Variants in EVI5L observed in about 807,000 individuals in gnomAD.
EVI5L encodes EVI5-like protein.
In EVI5L, 30 loss-of-function variants were observed where a neutral mutation model predicts 106.1. The ratio of observed to expected loss-of-function variants is 0.28; its 90% CI spans 0.21 to 0.38. The LOEUF is 0.38. Ranked by LOEUF, EVI5L falls within the 10% of genes least tolerant of loss-of-function variation. EVI5L has a pLI of 1.00. For synonymous variants in EVI5L, 489 were observed against 483.3 expected, an observed-to-expected ratio of 1.01 and a Z score of -0.15; for missense variants, 809 against 1,098.0, an observed-to-expected ratio of 0.74 and a Z score of 3.72.
At position 7,830,221 on chromosome 19, in the gene EVI5L, A is replaced by C. The variant is rs1314008349; in HGVS notation, c.-208A>C. On this transcript the variant is annotated 5_prime_UTR_variant, in exon 1 of 20. Coordinates refer to ENST00000538904, the MANE Select transcript of EVI5L (RefSeq NM_001159944.3). ...CGGGGGCGGGGCAGCGGCTCCTGTC[A>C]GCGGGTGAAATGGCAGCGGCGGAGC... 1.3e-5 allele frequency: 2 copies of C among 151,686 alleles called. No individual in the cohort carries two copies. The highest frequency in any genetic ancestry group is 3.0e-5 in the Non-Finnish European group (2 of 67,752). The allele number at this position is 151,686 out of a possible 1,614,324, so 9.4% of individuals were successfully genotyped here. A position where few individuals can be genotyped will look rare whatever the true frequency, so the allele number is the denominator to read the frequency against.
chr19:7,831,415 G>T (rs1328671847), intron 1 of EVI5L, among the ~76,000 whole-genome samples: 5 of 149,980 alleles, frequency 3.3e-5, no homozygotes, highest in African/African-American at 1.2e-4. Flanking sequence ...CAGAGTCCCC[G>T]ACAGCTCCCC....
intron 2 of EVI5L, among the ~76,000 whole-genome samples, chr19:7,847,220 A>T (rs1183481412): frequency 6.6e-6 from 1 of 151,976 alleles, no homozygotes; most frequent in Non-Finnish European, 1.5e-5. Flanking sequence ...TGAACCCGGG[A>T]GGCGGACGCT....
In EVI5L at chr19:7,863,725, G is replaced by A. The variant is rs1386809366; in HGVS notation, c.*23G>A. The A allele has an allele frequency of 1.1e-5, 16 of 1,438,672 alleles. No homozygotes were observed. The South Asian group carries it at 1.9e-4, about 17-fold the overall frequency. The allele number at this position is 1,438,672 out of a possible 1,614,324, so 89.1% of individuals were successfully genotyped here. On this transcript the variant is annotated 3_prime_UTR_variant, in exon 20 of 20. Coordinates refer to ENST00000538904, the MANE Select transcript of EVI5L (RefSeq NM_001159944.3). The surrounding 1 kb of genome is among the most constrained non-coding windows in gnomAD (Gnocchi z 7.7). ...TGAGGCCATGCCCAGCGCGCCCGGA[G>A]TCAGGAGGCCGCAGCCGCGGGGGGC...
intron 10 of EVI5L, 67 bp from the exon 11 acceptor site, chr19:7,855,948 A>G: frequency 7.7e-7 from 1 of 1,298,800 alleles, no homozygotes; most frequent in Non-Finnish European, 9.9e-7. Context: ...GGCAGTGGGT[A>G]AATGAGGGGT....
At chr19:7,862,669 G>A in intron 17 of EVI5L, 135 bp downstream of exon 17, 1 of 575,464 alleles carries the variant, frequency 1.7e-6, no homozygotes, top group South Asian at 5.1e-5. Flanking sequence ...TCCCGCCCCC[G>A]CCCGCGGCCC....
At position 7,858,750 on chromosome 19, in the gene EVI5L, T is replaced by A. The variant is rs1437304959; in HGVS notation, c.1374+419T>A. ...GCCATGGAGAATGGGAGCAGGGCAG[T>A]CCGGGACTGTTTGGGGAGCTCTGAG... On this transcript the variant is annotated intron_variant, in intron 13 of 19. Coordinates refer to ENST00000538904, the MANE Select transcript of EVI5L (RefSeq NM_001159944.3). The surrounding 1 kb of genome is among the most constrained non-coding windows in gnomAD (Gnocchi z 5.7). 1 of 176,028 alleles carries A rather than the reference T, an allele frequency of 5.7e-6. No homozygotes were observed. Among genetic ancestry groups the A allele is most frequent in the Non-Finnish European group, 1.2e-5 (1 of 83,406 alleles). 10.9% of individuals were successfully genotyped at this position (176,028 alleles called of 1,614,324 possible). A position where few individuals can be genotyped will look rare whatever the true frequency, so the allele number is the denominator to read the frequency against.
Position 7,862,552 on chromosome 19 carries a change from C to CCCGCCCTGCCCGTGGCA in EVI5L, c.1947+25_1947+41dup. 1 of 1,408,186 alleles carries CCCGCCCTGCCCGTGGCA rather than the reference C, an allele frequency of 7.1e-7. No individual in the cohort carries two copies. The highest frequency in any genetic ancestry group is 9.2e-7 in the Non-Finnish European group (1 of 1,081,356). The allele number at this position is 1,408,186 out of a possible 1,614,324, so 87.2% of individuals were successfully genotyped here. A position where few individuals can be genotyped will look rare whatever the true frequency, so the allele number is the denominator to read the frequency against. ...AGTGCAAGGTGCAGACCCCCGCGGC[C>CCCGCCCTGCCCGTGGCA]CCGCCCTGCCCGTGGCACCGCCCCC... On this transcript the variant is annotated intron_variant, in intron 17 of 19. Coordinates refer to ENST00000538904, the MANE Select transcript of EVI5L (RefSeq NM_001159944.3).
In EVI5L at chr19:7,849,300, C is replaced by T. The variant is rs770895713; in HGVS notation, c.597C>T (p.Ser199=). 41 of 1,614,020 alleles carry T rather than the reference C, an allele frequency of 2.5e-5. No individual in the cohort carries two copies. The highest frequency in any genetic ancestry group is 3.3e-5 in the South Asian group (3 of 91,086). Residue 199 remains serine (S), a synonymous_variant, in exon 5 of 20, where the codon AGC becomes AGT. Transcript: ENST00000538904. ...VDREVGYCQG[S]AFIVGLLLMQ... ...GGGAGGTGGGCTACTGCCAGGGAAGCGCCTTCATCGTGGGCCTGCTCCTCA... is the reference window on the plus strand; with the variant it reads ...GGGAGGTGGGCTACTGCCAGGGAAGTGCCTTCATCGTGGGCCTGCTCCTCA...
chr19:7,862,842 C>T (rs1979905385), intron 17 of EVI5L, 130 bp from the exon 18 acceptor site: 2 of 563,090 alleles, frequency 3.6e-6, no homozygotes, highest in Non-Finnish European at 5.7e-6. Flanking sequence ...CGCCCCTGCC[C>T]GCGGTCCTGC....
At chr19:7,853,520 C>A in intron 10 of EVI5L, 187 bp downstream of exon 10, 1 of 726,760 alleles carries the variant, frequency 1.4e-6, no homozygotes, top group Non-Finnish European at 2.2e-6. Flanking sequence ...TGAGCGCCTC[C>A]CCCGCCTGAC....
Position 7,848,019 on chromosome 19 carries a change from C to T in EVI5L, c.327+98C>T. ...AGCGCCAGGGTCTGCGGGGCCCCAG[C>T]CTGGGCACAGCGGCAGCAGTGGAGA... On this transcript the variant is annotated intron_variant, in intron 3 of 19. Transcript: ENST00000538904. The surrounding 1 kb of genome is among the most constrained non-coding windows in gnomAD (Gnocchi z 4.8). 3.8e-6 allele frequency: 5 copies of T among 1,323,672 alleles called. No homozygotes were observed. Among genetic ancestry groups the T allele is most frequent in the Non-Finnish European group, 5.1e-6 (5 of 985,414 alleles). The allele number at this position is 1,323,672 out of a possible 1,614,324, so 82.0% of individuals were successfully genotyped here.
At chr19:7,849,967 T>G in intron 5 of EVI5L, 30 bp from the exon 6 acceptor site, 1 of 1,553,456 alleles carries the variant, frequency 6.4e-7, no homozygotes, top group Non-Finnish European at 8.7e-7. Flanking sequence ...TGCGCTGCCC[T>G]GAGCCCCCCC....
At chr19:7,852,271 C>G (rs1979289081) in intron 8 of EVI5L, among the ~76,000 whole-genome samples, 1 of 152,240 alleles carries the variant, frequency 6.6e-6, no homozygotes, top group Non-Finnish European at 1.5e-5. Context: ...CCCCTGCCCC[C>G]TCCCCGCGTC....
Position 7,849,992 on chromosome 19 carries a change from C to T in EVI5L, c.628-5C>T, listed in dbSNP as rs28420566. The T allele has an allele frequency of 3.8e-6, 6 of 1,588,342 alleles. No homozygotes were observed. The highest frequency in any genetic ancestry group is 2.3e-5 in the East Asian group (1 of 43,896). On this transcript the variant is annotated splice_polypyrimidine_tract_variant and splice_region_variant and intron_variant, in intron 5 of 19. Coordinates refer to ENST00000538904, the MANE Select transcript of EVI5L (RefSeq NM_001159944.3). ...TGAGCCCCCCCACCTGCCCGTCCCC[C>T]CTAGATGCCTGAGGAGGAGGCCTTC...
intron 1 of EVI5L, among the ~76,000 whole-genome samples, chr19:7,833,358 C>G (rs1978302794): frequency 6.6e-6 from 1 of 152,256 alleles, no homozygotes; most frequent in Non-Finnish European, 1.5e-5. Context: ...GTGCTCAGCA[C>G]CATGCCAAGC....
In EVI5L at chr19:7,864,810, C is replaced by G. The variant is rs994959345; in HGVS notation, c.*1108C>G. ...TGGGTGGGGACCCCTGCTCCGTCCC[C>G]GCTTCCTAGCTGCCCACTTTTCAGT... On this transcript the variant is annotated 3_prime_UTR_variant, in exon 20 of 20. Coordinates refer to ENST00000538904, the MANE Select transcript of EVI5L (RefSeq NM_001159944.3). This position sits in a 1 kb window ranked among gnomAD's most constrained non-coding sequence, Gnocchi z 4.5. The G allele has an allele frequency of 1.3e-5, 2 of 152,480 alleles. No individual in the cohort carries two copies. Among genetic ancestry groups the G allele is most frequent in the African/African-American group, 4.8e-5 (2 of 41,464 alleles). 9.4% of individuals were successfully genotyped at this position (152,480 alleles called of 1,614,324 possible).
intron 1 of EVI5L, among the ~76,000 whole-genome samples, chr19:7,833,366 A>G (rs2146408913): frequency 6.6e-6 from 1 of 152,370 alleles, no homozygotes; most frequent in Non-Finnish European, 1.5e-5. Context: ...CACCATGCCA[A>G]GCACCATTGA....
intron 2 of EVI5L, among the ~76,000 whole-genome samples, chr19:7,847,060 G>C (rs1419581735): frequency 6.6e-6 from 1 of 152,234 alleles, no homozygotes; most frequent in African/African-American, 2.4e-5. Flanking sequence ...GGGAGGCCGA[G>C]GCAGACGGAT....
intron 10 of EVI5L, among the ~76,000 whole-genome samples, chr19:7,855,181 A>G (rs887014488): frequency 1.4e-5 from 2 of 138,326 alleles, no homozygotes; most frequent in Admixed American, 1.6e-4. Context: ...CAGTGAGGTG[A>G]TCTCGGCTTA....
Sources: gnomAD v4.1 joint callset for allele counts (sites outside exome capture counted in the v4.1 genomes callset) on GRCh38, gnomAD v4.1.1 for gene constraint, Gnocchi (gnomAD v3.1) non-coding constraint, MANE v1.5 for transcripts, NCBI Gene and HGNC (gene_info 2026-07-23, HGNC 2026-07-21) for gene names.